The following SLTM variants were observed in gnomAD, a reference collection of about 807,000 sequenced individuals.
SLTM encodes SAFB like transcription modulator.
Under a neutral mutation model 134.6 loss-of-function variants are expected in SLTM, and 43 were observed. That is an observed-to-expected ratio of 0.32 (90% CI 0.25 to 0.41). The LOEUF (loss-of-function observed/expected upper bound fraction) is 0.41. SLTM is among the 10% of genes least tolerant of loss of function. SLTM has a pLI of 1.00. For missense variants in SLTM, 1,055 were observed against 1,288.8 expected, an observed-to-expected ratio of 0.82 and a Z score of 2.78; for synonymous variants, 424 against 432.3, an observed-to-expected ratio of 0.98 and a Z score of 0.24.
At chr15:58,931,305 CAG>C (rs1270146190) in intron 2 of SLTM, among the ~76,000 whole-genome samples, 1 of 152,202 alleles carries the variant, frequency 6.6e-6, no homozygotes, top group Admixed American at 6.5e-5. Context: ...TTGGCACAAA[CAG>C]GGGACTCTCC....
intron 3 of SLTM, 52 bp downstream of exon 3, chr15:58,916,883 C>T: frequency 1.3e-6 from 2 of 1,532,156 alleles, no homozygotes; most frequent in Non-Finnish European, 1.8e-6. Context: ...ATTCATGATG[C>T]AAAATACTAG....
chr15:58,905,922 A>G (rs1385658074), intron 5 of SLTM, among the ~76,000 whole-genome samples: 1 of 152,226 alleles, frequency 6.6e-6, no homozygotes, highest in Non-Finnish European at 1.5e-5. Flanking sequence ...ACATACATTT[A>G]TATGCCGGTA....
chr15:58,890,124 G>A, intron 15 of SLTM, 157 bp downstream of exon 15: 1 of 746,648 alleles, frequency 1.3e-6, no homozygotes, highest in East Asian at 2.6e-5. Flanking sequence ...TTTTTAACTA[G>A]TACCTAATTC....
intron 5 of SLTM, among the ~76,000 whole-genome samples, chr15:58,903,398 CTTG>C (rs1273348314): frequency 6.6e-6 from 1 of 152,154 alleles, no homozygotes; most frequent in East Asian, 1.9e-4. Flanking sequence ...TGATGTGAAG[CTTG>C]TTGTAAAATT....
Position 58,893,270 on chromosome 15 carries a change from G to A in SLTM, c.1734+9C>T, listed in dbSNP as rs368841179. ...AAGTAGTATACAACCATCCTGATCA[G>A]AGACTTACTTTCTCATATCTTCCTC... is the stretch of plus-strand genomic sequence containing the variant. On this transcript the variant is annotated intron_variant, in intron 13 of 20. Transcript: ENST00000380516. 1 of 1,599,452 alleles carries A rather than the reference G, an allele frequency of 6.3e-7. No homozygotes were observed. The highest frequency in any genetic ancestry group is 1.7e-5 in the Admixed American group (1 of 59,200).
At chr15:58,890,060 T>C in intron 15 of SLTM, 1 of 571,956 alleles carries the variant, frequency 1.7e-6, no homozygotes, top group Non-Finnish European at 3.1e-6. Context: ...TGCCATGATA[T>C]TGCAGAGCTA....
chr15:58,881,645 G>C (rs1435512122), intron 20 of SLTM, among the ~76,000 whole-genome samples: 1 of 152,114 alleles, frequency 6.6e-6, no homozygotes, highest in Non-Finnish European at 1.5e-5. Flanking sequence ...TGGTTTTAGA[G>C]CAATAAATGG....
intron 14 of SLTM, among the ~76,000 whole-genome samples, chr15:58,890,960 G>T (rs1353668717): frequency 6.6e-6 from 1 of 152,152 alleles, no homozygotes; most frequent in Non-Finnish European, 1.5e-5. Flanking sequence ...GTCCTTAAGG[G>T]CTATTTTGGA....
chr15:58,920,553 G>A (rs1412092591), intron 2 of SLTM, among the ~76,000 whole-genome samples: 2 of 151,794 alleles, frequency 1.3e-5, no homozygotes, highest in Non-Finnish European at 1.5e-5. Context: ...AACCCGGGAG[G>A]TGGAGGCTGC....
intron 20 of SLTM, among the ~76,000 whole-genome samples, chr15:58,880,459 G>A (rs1373665837): frequency 6.6e-6 from 1 of 152,190 alleles, no homozygotes; most frequent in Non-Finnish European, 1.5e-5. Flanking sequence ...CCAGCTGGGT[G>A]CCTGTTAGAA....
chr15:58,884,055 C>T (rs1226305792), intron 19 of SLTM, among the ~76,000 whole-genome samples: 3 of 150,450 alleles, frequency 2.0e-5, no homozygotes, highest in African/African-American at 4.9e-5. Flanking sequence ...GCTGAGATTG[C>T]GCCATTGCAC....
chr15:58,895,897 T>C lies in SLTM; in HGVS notation c.1227+1218A>G, dbSNP rs1357286089. Among the ~76,000 whole-genome samples, 4 of 152,174 alleles carry C rather than the reference T, an allele frequency of 2.6e-5. No homozygotes were observed. The South Asian group carries it at 8.3e-4, about 31-fold the overall frequency. ...ATCAAGAGGACAGGTTTTGGTAATA[T>C]TAATGGCTATTTACCAATAATGGTC... On this transcript the variant is annotated intron_variant, in intron 9 of 20. Coordinates refer to ENST00000380516, the MANE Select transcript of SLTM (RefSeq NM_024755.4).
At chr15:58,930,108 T>C (rs1248619707) in intron 2 of SLTM, among the ~76,000 whole-genome samples, 1 of 151,776 alleles carries the variant, frequency 6.6e-6, no homozygotes, top group East Asian at 1.9e-4. Context: ...AAACAAATGA[T>C]TGAATGTTAC....
At chr15:58,885,459 A>G (rs1288581983) in intron 19 of SLTM, among the ~76,000 whole-genome samples, 1 of 152,188 alleles carries the variant, frequency 6.6e-6, no homozygotes, top group Non-Finnish European at 1.5e-5. Context: ...ATTTTACTAT[A>G]AACAAGGCAG....
intron 20 of SLTM, among the ~76,000 whole-genome samples, chr15:58,882,253 G>C (rs976738874): frequency 8.7e-5 from 13 of 150,008 alleles, no homozygotes; most frequent in South Asian, 2.1e-4. Context: ...CGTATTTCCA[G>C]TCAGGGTGAA....
chr15:58,913,868 AATACCAAGATC>A (rs2036450893), intron 3 of SLTM, 172 bp from the exon 4 acceptor site: 1 of 510,774 alleles, frequency 2.0e-6, no homozygotes, highest in Non-Finnish European at 3.4e-6. Flanking sequence ...AAATAGGTCT[AATACCAAGATC>A]ATCAAACACG....
chr15:58,887,304 C>G lies in SLTM; in HGVS notation c.2612G>C (p.Arg871Pro), dbSNP rs780175072. 7.4e-6 allele frequency: 12 copies of G among 1,614,080 alleles called. No individual in the cohort carries two copies. The highest frequency in any genetic ancestry group is 9.3e-6 in the Non-Finnish European group (11 of 1,180,026). ...TCTGGAAGGATTGGGCCCTGCCTCT[C>G]GAGGATGTCTAGGATGAGTGATATC... Reference protein sequence around the residue: ...RPDITHPRHPREAGPNPSRPT... With the variant: ...RPDITHPRHPPEAGPNPSRPT... Residue 871 changes from arginine to proline, a missense_variant, in exon 18 of 21, where the codon CGA (arginine) becomes CCA (proline). By Grantham distance (103) the Arg-to-Pro change is moderately radical (BLOSUM62 -2). Transcript: ENST00000380516.
chr15:58,886,267 AT>A (rs1176538612), intron 19 of SLTM, among the ~76,000 whole-genome samples: 876 of 54,830 alleles, frequency 0.016, 9 homozygotes, highest in African/African-American at 0.049. Context: ...GTGTGTGTGT[AT>A]TTTTTTTTTT....
At chr15:58,889,846 C>T (rs776573547) in intron 15 of SLTM, 34 of 373,606 alleles carry the variant, frequency 9.1e-5, no homozygotes, top group Admixed American at 3.5e-4. Flanking sequence ...TTAGAAATAG[C>T]ATTCTTAATA....
Sources: allele counts gnomAD v4.1 joint callset (sites outside exome capture counted in the v4.1 genomes callset), GRCh38; gene constraint gnomAD v4.1.1; transcripts MANE v1.5; gene names NCBI Gene and HGNC (gene_info 2026-07-23, HGNC 2026-07-21).